The following ASXL1 variants were observed in gnomAD, a reference collection of about 807,000 sequenced individuals.
The protein encoded by ASXL1 is ASXL transcriptional regulator 1.
In ASXL1, 65 loss-of-function variants were observed where a neutral mutation model predicts 89.1. The observed-to-expected ratio is 0.73, with a 90% CI of 0.60 to 0.90. The LOEUF (loss-of-function observed/expected upper bound fraction) is 0.90, where lower values mean the gene tolerates loss of function less well. Ranked by LOEUF, ASXL1 falls within the 40% of genes least tolerant of loss-of-function variation. ASXL1 has a pLI of 0.00. For synonymous variants in ASXL1, 739 were observed against 746.9 expected, an observed-to-expected ratio of 0.99 and a Z score of 0.17; for missense variants, 1,786 against 1,942.9, an observed-to-expected ratio of 0.92 and a Z score of 1.52.
rs2011460272 is a variant in ASXL1, at chr20:32,429,681, G to A, written c.566-220G>A. ...TGATTATGCCAGTGCTTTGTAAAAG[G>A]TGTAGTGCTATACAAATAAAGATGG... On this transcript the variant is annotated intron_variant, in intron 7 of 12. Transcript: ENST00000375687. This position sits in a 1 kb window ranked among gnomAD's most constrained non-coding sequence, Gnocchi z 4.9. The A allele has an allele frequency of 2.8e-6, 2 of 708,912 alleles. No individual in the cohort carries two copies. The highest frequency in any genetic ancestry group is 2.7e-5 in the East Asian group (1 of 37,108). 43.9% of individuals were successfully genotyped at this position (708,912 alleles called of 1,614,324 possible). A position where few individuals can be genotyped will look rare whatever the true frequency, so the allele number is the denominator to read the frequency against.
At chr20:32,358,945 G>A (rs2048060420) in intron 1 of ASXL1, 113 bp downstream of exon 1, 3 of 1,151,576 alleles carry the variant, frequency 2.6e-6, no homozygotes, top group Non-Finnish European at 3.5e-6. Flanking sequence ...GGAGGGGGCG[G>A]GGCCATCTTC....
chr20:32,396,272 A>G (rs940911017), intron 4 of ASXL1, among the ~76,000 whole-genome samples: 1 of 152,052 alleles, frequency 6.6e-6, no homozygotes, highest in African/African-American at 2.4e-5. Context: ...GTTCTTTGCA[A>G]TCCTAATAAA....
rs375308689 is a variant in ASXL1 at position 32,436,858 on chromosome 20, C to T, written c.4146C>T (p.Ala1382=). Residue 1382 remains alanine (A), a synonymous_variant, in exon 13 of 13, where the codon GCC becomes GCT. Transcript: ENST00000375687. ...TFVGGPLKAN[A]ENRKATGHSP... is the part of the protein sequence containing the mutation. ...TGGGGGGTCCTCTTAAGGCAAATGCCGAGAACAGGAAAGCTACTGGGCATA... is the reference window on the plus strand; with the variant it reads ...TGGGGGGTCCTCTTAAGGCAAATGCTGAGAACAGGAAAGCTACTGGGCATA... The T allele has an allele frequency of 2.4e-5, 39 of 1,614,030 alleles. No individual in the cohort carries two copies. The East Asian group carries it at 3.3e-4, about 14-fold the overall frequency.
At chr20:32,372,323 G>C (rs913285118) in intron 4 of ASXL1, 1 of 1,185,798 alleles carries the variant, frequency 8.4e-7, no homozygotes, top group African/African-American at 1.6e-5. Flanking sequence ...CATCTTAACT[G>C]CCTTTGGCTT....
intron 4 of ASXL1, among the ~76,000 whole-genome samples, chr20:32,401,619 G>T (rs2048876651): frequency 6.9e-6 from 1 of 145,668 alleles, no homozygotes; most frequent in African/African-American, 2.6e-5. Flanking sequence ...GCAGTGGTGT[G>T]ATCTTGGCTC....
chr20:32,394,755 C>G (rs987650368), intron 4 of ASXL1, among the ~76,000 whole-genome samples: 12 of 151,818 alleles, frequency 7.9e-5, no homozygotes, highest in African/African-American at 2.7e-4. Context: ...ACTCGGTTGC[C>G]CAGGCTACAG....
At chr20:32,425,600 C>A (rs1417007439) in intron 4 of ASXL1, among the ~76,000 whole-genome samples, 1 of 152,108 alleles carries the variant, frequency 6.6e-6, no homozygotes, top group African/African-American at 2.4e-5. Flanking sequence ...AGATTAAATA[C>A]CCTTTTATAT....
chr20:32,406,995 C>T (rs188945807), intron 4 of ASXL1, among the ~76,000 whole-genome samples: 15 of 152,238 alleles, frequency 9.9e-5, no homozygotes, highest in Non-Finnish European at 1.8e-4. Context: ...AAGAGAAGGG[C>T]AGCTCTTCCC....
intron 3 of ASXL1, among the ~76,000 whole-genome samples, chr20:32,368,522 T>C (rs1196371153): frequency 6.6e-6 from 1 of 152,240 alleles, no homozygotes; most frequent in African/African-American, 2.4e-5. Flanking sequence ...GTGTACTTAC[T>C]AGAAAATGTT....
At chr20:32,430,129 T>G in intron 8 of ASXL1, 76 bp downstream of exon 8, 1 of 1,497,846 alleles carries the variant, frequency 6.7e-7, no homozygotes. Context: ...ATGTCTTCTA[T>G]TCCAATTCCT....
intron 4 of ASXL1, among the ~76,000 whole-genome samples, chr20:32,410,923 G>A (rs760746574): frequency 6.6e-6 from 1 of 151,106 alleles, no homozygotes; most frequent in South Asian, 2.1e-4. Context: ...CTCAGCTACT[G>A]GGGGAGGGTG....
chr20:32,390,415 C>G (rs575224979), intron 4 of ASXL1, among the ~76,000 whole-genome samples: 6 of 152,182 alleles, frequency 3.9e-5, no homozygotes, highest in Admixed American at 6.5e-5. Context: ...TGTGTATAGT[C>G]TTGTAAGTTT....
At chr20:32,419,895 G>A (rs2049210194) in intron 4 of ASXL1, among the ~76,000 whole-genome samples, 1 of 151,952 alleles carries the variant, frequency 6.6e-6, no homozygotes. Context: ...GGCCAGGTTG[G>A]TCTTGAACTC....
In ASXL1 at chr20:32,436,934, T is replaced by G. The variant is rs1196015590; in HGVS notation, c.4222T>G (p.Leu1408Val). The change falls in exon 13 of 13, where the codon TTG becomes GTG. Residue 1408 changes from leucine (L) to valine (V), a missense_variant. Coordinates refer to ENST00000375687, the MANE Select transcript of ASXL1 (RefSeq NM_015338.6). ...GGAAGGGATGCCCTTTGTCATGGAC[T>G]TGCCCTTCTGGAAATTACCCCGAGA... ...HLEGMPFVMD[L>V]PFWKLPREPG... is the part of the protein sequence containing the mutation. 1 of 1,614,224 alleles carries G rather than the reference T, an allele frequency of 6.2e-7. No homozygotes were observed. The highest frequency in any genetic ancestry group is 1.1e-5 in the South Asian group (1 of 91,088).
rs368735975 is a variant in ASXL1 at position 32,435,685 on chromosome 20, A to G, written c.2973A>G (p.Ala991=). 2 of 1,614,064 alleles carry G rather than the reference A, an allele frequency of 1.2e-6. No homozygotes were observed. The highest frequency in any genetic ancestry group is 2.7e-5 in the African/African-American group (2 of 74,926). Residue 991 remains alanine, a synonymous_variant, in exon 13 of 13, where the codon GCA becomes GCG. Transcript: ENST00000375687. ...TGAAAATCAACGGAGACTCTGAAGCACTGAGTCCTCACGGTGAGTCCACGG... is the reference window on the plus strand; with the variant it reads ...TGAAAATCAACGGAGACTCTGAAGCGCTGAGTCCTCACGGTGAGTCCACGG... ...EKLKINGDSE[A]LSPHGESTDT... is the part of the protein sequence containing the mutation.
rs565923541 is a variant in ASXL1, at chr20:32,402,808, T to C, written c.253-25320T>C. On this transcript the variant is annotated intron_variant, in intron 4 of 12. Transcript: ENST00000375687. Reference sequence around the variant, plus strand: ...TCTATTTTCAAATTGGATTTTTTCTTACTGTTGAGTGTTCTAGACACAAGT... The same window carrying C: ...TCTATTTTCAAATTGGATTTTTTCTCACTGTTGAGTGTTCTAGACACAAGT... 3.3e-5 allele frequency among the ~76,000 whole-genome samples: 5 copies of C among 152,358 alleles called. No homozygotes were observed. In the East Asian group the frequency reaches 9.6e-4, roughly 29 times the overall value.
chr20:32,359,875 G>C (rs2048081199), intron 1 of ASXL1: 1 of 716,892 alleles, frequency 1.4e-6, no homozygotes, highest in African/African-American at 1.7e-5. Flanking sequence ...GATACCAGTA[G>C]TAACAGGTTA....
chr20:32,432,815 G>C, intron 10 of ASXL1, 65 bp from the exon 11 acceptor site: 1 of 1,576,748 alleles, frequency 6.3e-7, no homozygotes, highest in Non-Finnish European at 8.6e-7. Context: ...GGGAGATTCA[G>C]CTGTCCATAA....
chr20:32,376,799 A>G lies in ASXL1; in HGVS notation c.252+7676A>G, dbSNP rs561505278. Among the ~76,000 whole-genome samples the G allele has an allele frequency of 2.2e-3, 278 of 127,842 alleles. 3 individuals carry two copies. The highest frequency in any genetic ancestry group is 7.2e-3 in the African/African-American group (264 of 36,622). The allele number at this position is 127,842 out of a possible 152,430, so 83.9% of individuals were successfully genotyped here. On this transcript the variant is annotated intron_variant, in intron 4 of 12. Transcript: ENST00000375687. ...TATTATATATTATATATCTATCATGATATATATAATGTATTTTATATATTA... is the reference window on the plus strand; with the variant it reads ...TATTATATATTATATATCTATCATGGTATATATAATGTATTTTATATATTA...
Sources: gnomAD v4.1 joint callset for allele counts (sites outside exome capture counted in the v4.1 genomes callset) on GRCh38, gnomAD v4.1.1 for gene constraint, Gnocchi (gnomAD v3.1) non-coding constraint, MANE v1.5 for transcripts, NCBI Gene and HGNC (gene_info 2026-07-23, HGNC 2026-07-21) for gene names.